The following SMKR1 variants were observed in gnomAD, a reference collection of about 807,000 sequenced individuals.
SMKR1 encodes the protein small lysine-rich protein 1.
A neutral mutation model predicts 4.0 loss-of-function variants in SMKR1; 4 were observed. The ratio of observed to expected loss-of-function variants is 1.00; its 90% confidence interval spans 0.49 to 2.30. The LOEUF is 2.30. SMKR1 is among the 30% of genes most tolerant of loss of function. The pLI is 0.02. For missense variants in SMKR1, 56 were observed against 81.8 expected (o/e 0.68, Z 1.22); for synonymous variants, 38 against 32.5 (o/e 1.17, Z -0.58).
chr7:129,507,762 TA>T (rs758482690), intron 1 of SMKR1, among the ~76,000 whole-genome samples: 7 of 152,232 alleles, frequency 4.6e-5, no homozygotes, highest in Non-Finnish European at 7.3e-5. Flanking sequence ...TGCATTTCAC[TA>T]ATGACTTAAT....
chr7:129,511,035 C>T (rs528330256), intron 1 of SMKR1, among the ~76,000 whole-genome samples: 1 of 152,308 alleles, frequency 6.6e-6, no homozygotes, highest in Admixed American at 6.5e-5. Flanking sequence ...TCTCGAACTT[C>T]CTGACCTCAG....
At chr7:129,505,568 T>A (rs939771790) in intron 1 of SMKR1, among the ~76,000 whole-genome samples, 1 of 151,742 alleles carries the variant, frequency 6.6e-6, no homozygotes, top group Non-Finnish European at 1.5e-5. Flanking sequence ...AACCTCCGCC[T>A]CCCCGGTTCA....
chr7:129,503,472 C>T (rs1799432797), intron 1 of SMKR1, among the ~76,000 whole-genome samples: 1 of 152,258 alleles, frequency 6.6e-6, no homozygotes, highest in Admixed American at 6.5e-5. Flanking sequence ...TCTGCCATAT[C>T]TTCTCTGCTA....
At chr7:129,509,966 G>A (rs190219704) in intron 1 of SMKR1, among the ~76,000 whole-genome samples, 1 of 152,238 alleles carries the variant, frequency 6.6e-6, no homozygotes, top group East Asian at 1.9e-4. Context: ...GTCCTTGAAC[G>A]TTTATACCTT....
At chr7:129,509,899 G>T (rs1283849347) in intron 1 of SMKR1, among the ~76,000 whole-genome samples, 2 of 152,130 alleles carry the variant, frequency 1.3e-5, no homozygotes, top group Non-Finnish European at 2.9e-5. Context: ...GACATTTTTT[G>T]ACCGCAATGC....
intron 1 of SMKR1, among the ~76,000 whole-genome samples, chr7:129,505,643 TA>T (rs1170593811): frequency 6.6e-6 from 1 of 152,104 alleles, no homozygotes; most frequent in Non-Finnish European, 1.5e-5. Flanking sequence ...CGTGCCTGGC[TA>T]ATTTTTTTTG....
chr7:129,504,843 G>T (rs1562927443), intron 1 of SMKR1, among the ~76,000 whole-genome samples: 1 of 152,194 alleles, frequency 6.6e-6, no homozygotes, highest in South Asian at 2.1e-4. Context: ...GAACCACCAT[G>T]CCTGGCCAAT....
chr7:129,506,396 C>T (rs1799465519), intron 1 of SMKR1, among the ~76,000 whole-genome samples: 2 of 152,098 alleles, frequency 1.3e-5, no homozygotes, highest in Non-Finnish European at 2.9e-5. Flanking sequence ...GAGCCATGAT[C>T]GTGCCACTGT....
Position 129,512,317 on chromosome 7 carries a change from ACATTCTCAGCCCCGCGGC to A in SMKR1, c.78_95del (p.Ile26_Ala31del), listed in dbSNP as rs1324165263. 5.2e-6 allele frequency: 8 copies of A among 1,535,752 alleles called. No homozygotes were observed. Among genetic ancestry groups the A allele is most frequent in the Non-Finnish European group, 7.0e-6 (8 of 1,146,818 alleles). On this transcript the variant is annotated inframe_deletion, in exon 2 of 2. Transcript: ENST00000462322. ...AAGAAACAGAAGAAACCAGAAGTGGACATTCTCAGCCCCGCGGCCATGCTGAACCTCTACTACATCGCC... is the reference window on the plus strand; with the variant it reads ...AAGAAACAGAAGAAACCAGAAGTGGACATGCTGAACCTCTACTACATCGCC...
intron 1 of SMKR1, among the ~76,000 whole-genome samples, chr7:129,503,172 C>T (rs1799428795): frequency 6.6e-6 from 1 of 151,764 alleles, no homozygotes; most frequent in Non-Finnish European, 1.5e-5. Context: ...CTGTTAGCTG[C>T]CGTAGCCACC....
intron 1 of SMKR1, among the ~76,000 whole-genome samples, chr7:129,504,818 C>G (rs545537267): frequency 1.3e-5 from 2 of 152,050 alleles, no homozygotes; most frequent in Non-Finnish European, 2.9e-5. Context: ...CCCAGAGTGC[C>G]GGGATTACAG....
chr7:129,502,581 C>T lies in SMKR1; in HGVS notation c.-244C>T. The T allele has an allele frequency of 6.4e-6, 3 of 467,172 alleles. No homozygotes were observed. Among genetic ancestry groups the T allele is most frequent in the Non-Finnish European group, 1.1e-5 (3 of 272,468 alleles). 28.9% of individuals were successfully genotyped at this position (467,172 alleles called of 1,614,324 possible). On this transcript the variant is annotated 5_prime_UTR_variant, in exon 1 of 2. Transcript: ENST00000462322. The stretch of plus-strand genomic sequence containing the variant: ...GCGGCGGCCTAGGTGCCGCGTGGGG[C>T]AAGCAGGTGCCTCGCGTCCAGGCGG...
At chr7:129,503,164 G>A (rs993474100) in intron 1 of SMKR1, among the ~76,000 whole-genome samples, 8 of 151,790 alleles carry the variant, frequency 5.3e-5, no homozygotes, top group Non-Finnish European at 1.0e-4. Flanking sequence ...GGTCCGAGCT[G>A]TTAGCTGCCG....
rs144123103 is a variant in SMKR1 at position 129,503,813 on chromosome 7, G to C, written c.3+986G>C. The stretch of plus-strand genomic sequence containing the variant: ...GAGAGTCATTCCATGAGCTATTAAA[G>C]GTAAAGAGCTATTACCTTTTTTTTT... On this transcript the variant is annotated intron_variant, in intron 1 of 1. Transcript: ENST00000462322. Among the ~76,000 whole-genome samples, 100 of 150,660 alleles carry C rather than the reference G, an allele frequency of 6.6e-4. 1 individual carries two copies. The highest frequency in any genetic ancestry group is 2.4e-3 in the African/African-American group (97 of 41,136).
chr7:129,503,301 C>A (rs1439899798), intron 1 of SMKR1, among the ~76,000 whole-genome samples: 1 of 152,070 alleles, frequency 6.6e-6, no homozygotes, highest in Admixed American at 6.5e-5. Flanking sequence ...CAGTCACTTA[C>A]GACCTCCTTC....
At chr7:129,505,878 C>G (rs1208702891) in intron 1 of SMKR1, among the ~76,000 whole-genome samples, 1 of 152,148 alleles carries the variant, frequency 6.6e-6, no homozygotes, top group Non-Finnish European at 1.5e-5. Context: ...GCAGGAAGAG[C>G]AAGCATTGCC....
rs11404964 is a variant in SMKR1 at position 129,503,829 on chromosome 7, CT to C, written c.3+1020del. Among the ~76,000 whole-genome samples, 325 of 126,262 alleles carry C rather than the reference CT, an allele frequency of 2.6e-3. 1 individual carries two copies. Among genetic ancestry groups the C allele is most frequent in the South Asian group, 5.8e-3 (23 of 3,950 alleles). 82.8% of individuals were successfully genotyped at this position (126,262 alleles called of 152,430 possible). A position where few individuals can be genotyped will look rare whatever the true frequency, so the allele number is the denominator to read the frequency against. On this transcript the variant is annotated intron_variant, in intron 1 of 1. Transcript: ENST00000462322. Reference sequence around the variant, plus strand: ...GCTATTAAAGGTAAAGAGCTATTACCTTTTTTTTTTTTTTTTTTGACAGGGT... The same window carrying C: ...GCTATTAAAGGTAAAGAGCTATTACCTTTTTTTTTTTTTTTTTGACAGGGT...
At position 129,509,672 on chromosome 7, in the gene SMKR1, CT is replaced by C. The variant is rs201897639; in HGVS notation, c.4-2574del. Among the ~76,000 whole-genome samples the C allele has an allele frequency of 1.4e-4, 21 of 152,158 alleles. No individual in the cohort carries two copies. In the East Asian group the frequency reaches 4.1e-3, roughly 29 times the overall value. ...TTTCCTGCCTCAGCCTCCTAAGTAGCTGGGATTACAGGTGCACGCCACCACA... is the reference window on the plus strand; with the variant it reads ...TTTCCTGCCTCAGCCTCCTAAGTAGCGGGATTACAGGTGCACGCCACCACA... On this transcript the variant is annotated intron_variant, in intron 1 of 1. Coordinates refer to ENST00000462322, the MANE Select transcript of SMKR1 (RefSeq NM_001195243.2).
Position 129,502,650 on chromosome 7 carries a change from C to T in SMKR1, c.-175C>T, listed in dbSNP as rs950988056. 3 of 935,498 alleles carry T rather than the reference C, an allele frequency of 3.2e-6. No homozygotes were observed. Among genetic ancestry groups the T allele is most frequent in the Admixed American group, 3.2e-5 (1 of 31,476 alleles). The allele number at this position is 935,498 out of a possible 1,614,324, so 57.9% of individuals were successfully genotyped here. ...CCCGAGCCGGCCGCGCTCCTCCCAG[C>T]GAGGCGTGGCGGGGAGGCGTAGTGA... On this transcript the variant is annotated 5_prime_UTR_variant, in exon 1 of 2. Transcript: ENST00000462322.
Sources: gnomAD v4.1 joint callset for allele counts (sites outside exome capture counted in the v4.1 genomes callset) on GRCh38, gnomAD v4.1.1 for gene constraint, MANE v1.5 for transcripts, NCBI Gene and HGNC (gene_info 2026-07-23, HGNC 2026-07-21) for gene names.